GPC5: variants seen among roughly 807,000 people sequenced by gnomAD.
GPC5 encodes glypican 5, also known as glypican-5.
In GPC5, 47 loss-of-function variants were observed where a neutral mutation model predicts 53.9. The ratio of observed to expected loss-of-function variants is 0.87; its 90% CI spans 0.69 to 1.11. The LOEUF is 1.11. Among genes scored for constraint, GPC5 ranks in the 50% most tolerant of loss-of-function variants. The pLI is 0.00. For missense variants in GPC5, 748 were observed against 713.1 expected (o/e 1.05, Z -0.56); for synonymous variants, 286 against 263.3 (o/e 1.09, Z -0.84).
chr13:92,147,153 T>TTAC (rs1566456046), intron 7 of GPC5, among the ~76,000 whole-genome samples: 2 of 124,234 alleles, frequency 1.6e-5, no homozygotes, highest in Non-Finnish European at 3.5e-5. Context: ...TTATAATTTA[T>TTAC]GTGAGGTGAA....
chr13:92,452,989 C>A (rs1410901786), intron 7 of GPC5, among the ~76,000 whole-genome samples: 1 of 152,160 alleles, frequency 6.6e-6, no homozygotes, highest in Non-Finnish European at 1.5e-5. Flanking sequence ...GGCTTGAGAT[C>A]CTACTTCCTA....
At chr13:91,699,274 T>G (rs533067645) in intron 3 of GPC5, among the ~76,000 whole-genome samples, 11 of 152,242 alleles carry the variant, frequency 7.2e-5, no homozygotes, top group African/African-American at 2.6e-4. Context: ...TAAAAATGTT[T>G]TGGTGGGGGA....
intron 7 of GPC5, among the ~76,000 whole-genome samples, chr13:92,403,479 G>A (rs1175281995): frequency 6.6e-6 from 1 of 152,132 alleles, no homozygotes; most frequent in African/African-American, 2.4e-5. Flanking sequence ...AGATTATCAT[G>A]GGAACACAAA....
intron 1 of GPC5, among the ~76,000 whole-genome samples, chr13:91,447,705 T>C (rs1486144296): frequency 6.6e-6 from 1 of 152,202 alleles, no homozygotes; most frequent in African/African-American, 2.4e-5. Context: ...TCTGTGTGCA[T>C]GCACCTATTT....
At chr13:92,436,938 A>G (rs994941083) in intron 7 of GPC5, among the ~76,000 whole-genome samples, 1 of 152,220 alleles carries the variant, frequency 6.6e-6, no homozygotes, top group African/African-American at 2.4e-5. Flanking sequence ...AAAAGATTTT[A>G]TAACTTTAAT....
intron 6 of GPC5, among the ~76,000 whole-genome samples, chr13:92,010,142 G>T (rs985307543): frequency 6.6e-6 from 1 of 152,102 alleles, no homozygotes; most frequent in Non-Finnish European, 1.5e-5. Flanking sequence ...TTATTACCCT[G>T]TTTGGGATTT....
At chr13:92,802,782 A>G (rs1876956827) in intron 7 of GPC5, among the ~76,000 whole-genome samples, 1 of 151,990 alleles carries the variant, frequency 6.6e-6, no homozygotes, top group African/African-American at 2.4e-5. Flanking sequence ...GGAACATCAC[A>G]CACCAGTACT....
intron 7 of GPC5, among the ~76,000 whole-genome samples, chr13:92,511,931 GA>G (rs1400388345): frequency 1.3e-5 from 2 of 152,088 alleles, no homozygotes; most frequent in Non-Finnish European, 2.9e-5. Flanking sequence ...GGAGAAGTGG[GA>G]GGCAAATGGT....
intron 2 of GPC5, among the ~76,000 whole-genome samples, chr13:91,572,033 A>G (rs1332715762): frequency 4.4e-5 from 5 of 114,196 alleles, no homozygotes; most frequent in South Asian, 2.8e-4. Context: ...GTGTGTATAT[A>G]TGTGTATATA....
intron 7 of GPC5, among the ~76,000 whole-genome samples, chr13:92,796,424 T>C (rs1173150730): frequency 1.3e-5 from 2 of 151,992 alleles, no homozygotes; most frequent in Non-Finnish European, 2.9e-5. Context: ...GATGAGTTTA[T>C]GGGTGCAGCA....
chr13:92,129,123 T>G (rs562845222), intron 6 of GPC5, among the ~76,000 whole-genome samples: 1 of 152,284 alleles, frequency 6.6e-6, no homozygotes, highest in South Asian at 2.1e-4. Context: ...GCTAAAGGCC[T>G]AAGCTCAATA....
At chr13:91,599,463 A>G (rs2033104993) in intron 2 of GPC5, among the ~76,000 whole-genome samples, 1 of 152,222 alleles carries the variant, frequency 6.6e-6, no homozygotes, top group Non-Finnish European at 1.5e-5. Context: ...ATAAGTAAAC[A>G]TCATCATTAA....
intron 7 of GPC5, among the ~76,000 whole-genome samples, chr13:92,861,024 A>C (rs1011148291): frequency 3.9e-5 from 6 of 152,164 alleles, no homozygotes; most frequent in Non-Finnish European, 7.4e-5. Flanking sequence ...AGACTATTAG[A>C]ATTAAAAGAA....
chr13:92,274,496 T>C (rs1242398040), intron 7 of GPC5, among the ~76,000 whole-genome samples: 1 of 152,128 alleles, frequency 6.6e-6, no homozygotes, highest in Non-Finnish European at 1.5e-5. Context: ...TTGTTCAGGA[T>C]CTTTAAACTC....
At chr13:92,777,453 T>C (rs1034921468) in intron 7 of GPC5, among the ~76,000 whole-genome samples, 4 of 150,930 alleles carry the variant, frequency 2.7e-5, no homozygotes, top group Non-Finnish European at 5.9e-5. Flanking sequence ...GCCATCATGG[T>C]AAAACCCTGT....
At chr13:91,778,485 T>TA (rs1471085362) in intron 5 of GPC5, among the ~76,000 whole-genome samples, 1 of 152,206 alleles carries the variant, frequency 6.6e-6, no homozygotes, top group East Asian at 1.9e-4. Context: ...CATCTGTCTC[T>TA]GGGCTCCTCG....
chr13:91,572,329 C>G (rs1243156107), intron 2 of GPC5, among the ~76,000 whole-genome samples: 1 of 150,846 alleles, frequency 6.6e-6, no homozygotes, highest in African/African-American at 2.4e-5. Context: ...AAAATAACTT[C>G]GAGTTAAAGG....
chr13:91,662,367 G>C (rs943504594), intron 2 of GPC5, among the ~76,000 whole-genome samples: 9 of 152,202 alleles, frequency 5.9e-5, no homozygotes, highest in African/African-American at 2.2e-4. Flanking sequence ...CAATCAAATG[G>C]AAGTCACTGG....
intron 5 of GPC5, among the ~76,000 whole-genome samples, chr13:91,788,669 T>C (rs960503580): frequency 6.6e-6 from 1 of 152,202 alleles, no homozygotes; most frequent in Non-Finnish European, 1.5e-5. Context: ...TCTAGGTTTT[T>C]AAAATTTGTC....
Sources: allele counts gnomAD v4.1 joint callset (sites outside exome capture counted in the v4.1 genomes callset), GRCh38; gene constraint gnomAD v4.1.1; transcripts MANE v1.5; gene names NCBI Gene and HGNC (gene_info 2026-07-23, HGNC 2026-07-21).